Variants in SETDB1 observed in about 807,000 individuals in gnomAD.
SETDB1 encodes histone-lysine N-methyltransferase SETDB1.
A neutral mutation model predicts 137.4 loss-of-function variants in SETDB1; 31 were observed. That is an observed-to-expected ratio of 0.23 (90% confidence interval 0.17 to 0.30). SETDB1 has a LOEUF of 0.30. Among genes scored for constraint, SETDB1 ranks in the 10% least tolerant of loss-of-function variants. The pLI is 1.00. For missense variants in SETDB1, 1,113 were observed against 1,631.5 expected, an observed-to-expected ratio of 0.68 and a Z score of 5.47; for synonymous variants, 548 against 579.9, an observed-to-expected ratio of 0.95 and a Z score of 0.79.
At chr1:150,947,059 G>A in intron 10 of SETDB1, 47 bp downstream of exon 10, 2 of 1,609,164 alleles carry the variant, frequency 1.2e-6, no homozygotes, top group African/African-American at 2.7e-5. Context: ...AGGCCAACCA[G>A]CAAAGGAGAT....
Position 150,962,958 on chromosome 1 carries a change from C to T in SETDB1, c.3295-16C>T, listed in dbSNP as rs757465402. On this transcript the variant is annotated splice_polypyrimidine_tract_variant and intron_variant, in intron 18 of 21. Transcript: ENST00000692827. ...CCCATTTACTTCTCTTACTTCTTAC[C>T]CTCCTGCTTCCCCAGGATGTCCTGA... 1.2e-6 allele frequency: 2 copies of T among 1,611,060 alleles called. No homozygotes were observed. The highest frequency in any genetic ancestry group is 1.7e-6 in the Non-Finnish European group (2 of 1,178,050).
intron 10 of SETDB1, 135 bp downstream of exon 10, chr1:150,947,147 T>C (rs1365107322): frequency 9.5e-7 from 1 of 1,049,622 alleles, no homozygotes; most frequent in Admixed American, 2.6e-5. Context: ...CCTGAGTTGT[T>C]TCCAATCATG....
In SETDB1 at chr1:150,962,696, G is replaced by C. The variant is rs752902332; in HGVS notation, c.3271G>C (p.Ala1091Pro). The C allele has an allele frequency of 1.2e-6, 2 of 1,614,022 alleles. No individual in the cohort carries two copies. The highest frequency in any genetic ancestry group is 1.7e-6 in the Non-Finnish European group (2 of 1,180,018). ...TATGCATCAAAGCCGAAGACTCATG[G>C]CTTCTGCTCAGTCCAACCCTGATGT... The part of the protein sequence containing the change: ...TSMHQSRRLM[A>P]SAQSNPDDVL... The change falls in exon 18 of 22, where the codon GCT becomes CCT. Residue 1091 changes from alanine to proline, a missense_variant. By Grantham distance (27) the Ala-to-Pro change is conservative. Around this residue, in one of 11 missense-constraint regions of SETDB1, gnomAD observed 373 missense variants for 412.7 expected, o/e 0.90. Transcript: ENST00000692827.
Position 150,959,356 on chromosome 1 carries a change from T to TA in SETDB1, c.2503+13dup. On this transcript the variant is annotated intron_variant, in intron 15 of 21. Coordinates refer to ENST00000692827, the MANE Select transcript of SETDB1 (RefSeq NM_001366418.1). Reference sequence around the variant, plus strand: ...TGTTTGTATTTATGCAGGTTGGTGATAAAATATAAGGGTTGTTTCCTGAGA... The same window carrying TA: ...TGTTTGTATTTATGCAGGTTGGTGATAAAAATATAAGGGTTGTTTCCTGAGA... The TA allele has an allele frequency of 6.3e-7, 1 of 1,599,128 alleles. No individual in the cohort carries two copies. Among genetic ancestry groups the TA allele is most frequent in the South Asian group, 1.1e-5 (1 of 88,030 alleles).
chr1:150,963,515 C>A lies in SETDB1; in HGVS notation c.3461-15C>A. The A allele has an allele frequency of 1.3e-6, 2 of 1,598,062 alleles. No homozygotes were observed. Among genetic ancestry groups the A allele is most frequent in the Non-Finnish European group, 1.7e-6 (2 of 1,169,940 alleles). On this transcript the variant is annotated splice_polypyrimidine_tract_variant and intron_variant, in intron 19 of 21. Coordinates refer to ENST00000692827, the MANE Select transcript of SETDB1 (RefSeq NM_001366418.1). ...AGTTGGGATGGGTCCTGACCCCATT[C>A]TCCCTCCTGTCCAGGTCCAATGAAG...
At chr1:150,944,014 C>T in intron 8 of SETDB1, 21 bp downstream of exon 8, 1 of 1,543,720 alleles carries the variant, frequency 6.5e-7, no homozygotes, top group East Asian at 2.2e-5. Flanking sequence ...CTCCCTTATT[C>T]CTTAGCTCAG....
chr1:150,941,136 C>T (rs1279677391), intron 4 of SETDB1, among the ~76,000 whole-genome samples, 193 bp from the exon 5 acceptor site: 1 of 152,112 alleles, frequency 6.6e-6, no homozygotes, highest in Non-Finnish European at 1.5e-5. Flanking sequence ...GCACTCCAGC[C>T]TGGGCAACAA....
chr1:150,926,289 C>A (rs984659649), upstream of SETDB1: 6 of 190,184 alleles, frequency 3.2e-5, no homozygotes, highest in African/African-American at 1.4e-4. Flanking sequence ...GAGGGGCGCC[C>A]CGCGGCTTTG....
chr1:150,930,214 T>C (rs1669680465), intron 3 of SETDB1, 96 bp downstream of exon 3: 3 of 1,066,200 alleles, frequency 2.8e-6, no homozygotes, highest in Non-Finnish European at 2.7e-6. Context: ...GAGAAACCAT[T>C]GTCACTAACT....
At chr1:150,951,336 C>G (rs773397082) in intron 13 of SETDB1, 29 bp from the exon 14 acceptor site, 11 of 1,483,220 alleles carry the variant, frequency 7.4e-6, no homozygotes, top group Non-Finnish European at 9.4e-6. Context: ...TCCCCCCGCT[C>G]CTTTCCTTTA....
Position 150,929,939 on chromosome 1 carries a change from A to G in SETDB1, c.261-28A>G, listed in dbSNP as rs752013515. On this transcript the variant is annotated intron_variant, in intron 2 of 21. Transcript: ENST00000692827. The stretch of plus-strand genomic sequence containing the variant: ...TCTCTTAATTCCTCTACTGGCTTTG[A>G]CCTTTTCTGCATGTGTTCCAATATT... 6 of 1,604,150 alleles carry G rather than the reference A, an allele frequency of 3.7e-6. No homozygotes were observed. In the South Asian group the frequency reaches 5.6e-5, roughly 15 times the overall value.
At chr1:150,936,503 A>G (rs1451438723) in intron 3 of SETDB1, among the ~76,000 whole-genome samples, 3 of 152,176 alleles carry the variant, frequency 2.0e-5, no homozygotes, top group Non-Finnish European at 4.4e-5. Context: ...ATTCCATTGT[A>G]TGAATATGCC....
intron 3 of SETDB1, among the ~76,000 whole-genome samples, chr1:150,939,073 T>C (rs587652861): frequency 3.3e-5 from 5 of 151,864 alleles, no homozygotes; most frequent in African/African-American, 9.6e-5. Context: ...CGTGAAGCCA[T>C]GTAGCTGGGA....
rs587661589 is a variant in SETDB1 at position 150,964,238 on chromosome 1, C to T, written c.3762-9C>T. 65 of 1,611,348 alleles carry T rather than the reference C, an allele frequency of 4.0e-5. No individual in the cohort carries two copies. In the South Asian group the frequency reaches 7.1e-4, roughly 18 times the overall value. ...CTTTGCCACACACCATCCTTTTCTT[C>T]CTCTTCAGAAGAATCCGGGCTGGGA... On this transcript the variant is annotated splice_polypyrimidine_tract_variant and intron_variant, in intron 21 of 21. Transcript: ENST00000692827.
At chr1:150,945,758 T>C (rs1670302102) in intron 9 of SETDB1, among the ~76,000 whole-genome samples, 1 of 152,180 alleles carries the variant, frequency 6.6e-6, no homozygotes, top group Non-Finnish European at 1.5e-5. Context: ...AGTTTCACTC[T>C]TGTTGCCCAG....
At chr1:150,941,304 G>A in intron 4 of SETDB1, 25 bp from the exon 5 acceptor site, 1 of 1,447,010 alleles carries the variant, frequency 6.9e-7, no homozygotes, top group Middle Eastern at 1.8e-4. Context: ...TTCAAAACTT[G>A]TTTTCCTCAT....
chr1:150,963,975 T>G lies in SETDB1; in HGVS notation c.3673-20T>G. On this transcript the variant is annotated intron_variant, in intron 20 of 21. Coordinates refer to ENST00000692827, the MANE Select transcript of SETDB1 (RefSeq NM_001366418.1). ...TTCAGTTTCCCTGGTTCTTATTTGA[T>G]CCTGTCCTTAAACCTACAGCACAGT... The G allele has an allele frequency of 6.2e-7, 1 of 1,609,176 alleles. No homozygotes were observed. Among genetic ancestry groups the G allele is most frequent in the Non-Finnish European group, 8.5e-7 (1 of 1,175,452 alleles).
chr1:150,946,859 C>T (rs777028368), intron 9 of SETDB1, 27 bp from the exon 10 acceptor site: 145 of 1,613,352 alleles, frequency 9.0e-5, no homozygotes, highest in Non-Finnish European at 1.2e-4. Context: ...AGCTATTTCC[C>T]TTCATTCTTT....
At chr1:150,951,270 A>G in intron 13 of SETDB1, 95 bp from the exon 14 acceptor site, 1 of 1,130,434 alleles carries the variant, frequency 8.8e-7, no homozygotes. Flanking sequence ...GGAGTCTGAC[A>G]TGGCCACACT....
Sources: allele counts gnomAD v4.1 joint callset (sites outside exome capture counted in the v4.1 genomes callset), GRCh38; gene constraint gnomAD v4.1.1; regional missense constraint gnomAD v4.1.1; transcripts MANE v1.5; gene names NCBI Gene and HGNC (gene_info 2026-07-23, HGNC 2026-07-21).